The following SIDT1 variants were observed in gnomAD, a reference collection of about 807,000 sequenced individuals.
The protein encoded by SIDT1 is SID1 transmembrane family member 1, also known as SID1 transmembrane family, member 1.
Under a neutral mutation model 107.5 loss-of-function variants are expected in SIDT1, and 101 were observed. The ratio of observed to expected loss-of-function variants is 0.94; its 90% CI spans 0.80 to 1.11. The LOEUF is 1.11. SIDT1 is among the 50% of genes least tolerant of loss of function. SIDT1 has a pLI of 0.00. For missense variants in SIDT1, 1,076 were observed against 1,058.2 expected (o/e 1.02, Z -0.23); for synonymous variants, 395 against 398.2 (o/e 0.99, Z 0.10).
intron 4 of SIDT1, 26 bp downstream of exon 4, chr3:113,576,993 T>A: frequency 6.2e-7 from 1 of 1,608,634 alleles, no homozygotes; most frequent in Non-Finnish European, 8.5e-7. Context: ...CCAAGAGTTA[T>A]CAACATCCTA....
At chr3:113,618,484 T>C (rs1946251614) in intron 20 of SIDT1, among the ~76,000 whole-genome samples, 1 of 152,226 alleles carries the variant, frequency 6.6e-6, no homozygotes, top group South Asian at 2.1e-4. Context: ...TAAGTTTAGT[T>C]TTGTAAGAAA....
At chr3:113,625,318 T>A (rs1310459236) in intron 23 of SIDT1, among the ~76,000 whole-genome samples, 3 of 151,998 alleles carry the variant, frequency 2.0e-5, no homozygotes, top group African/African-American at 7.3e-5. Flanking sequence ...TTTGTATTTT[T>A]AGTAGAGACG....
chr3:113,604,826 TG>T, intron 13 of SIDT1, 83 bp from the exon 14 acceptor site: 4 of 1,489,038 alleles, frequency 2.7e-6, no homozygotes, highest in Non-Finnish European at 2.8e-6. Context: ...ACTTATGGGG[TG>T]GAAGCATTCT....
intron 20 of SIDT1, among the ~76,000 whole-genome samples, chr3:113,616,457 A>G (rs1317954983): frequency 2.0e-5 from 3 of 152,290 alleles, no homozygotes; most frequent in East Asian, 1.9e-4. Flanking sequence ...TTACGGACAC[A>G]TGGTGGGGAA....
At chr3:113,538,236 C>T (rs1159318143) in intron 1 of SIDT1, among the ~76,000 whole-genome samples, 1 of 152,240 alleles carries the variant, frequency 6.6e-6, no homozygotes, top group African/African-American at 2.4e-5. Flanking sequence ...CCGTAGCAAT[C>T]ACCTCCTACA....
chr3:113,614,012 G>A (rs6764048), intron 19 of SIDT1, among the ~76,000 whole-genome samples: 101,534 of 152,056 alleles, frequency 0.67, 34,004 homozygotes, highest in Admixed American at 0.72. Flanking sequence ...AAGGGATACC[G>A]TGGAAACTTG....
intron 3 of SIDT1, among the ~76,000 whole-genome samples, chr3:113,576,648 A>T (rs959613702): frequency 6.6e-6 from 1 of 152,178 alleles, no homozygotes; most frequent in Non-Finnish European, 1.5e-5. Context: ...AAAAGTAAAT[A>T]AACTACCTTA....
intron 21 of SIDT1, among the ~76,000 whole-genome samples, chr3:113,621,469 C>G (rs550213681): frequency 6.6e-6 from 1 of 151,846 alleles, no homozygotes; most frequent in South Asian, 2.1e-4. Flanking sequence ...AGAACGAAGT[C>G]AGTTGGAATT....
chr3:113,635,665 G>T, the SIDT1 span, among the ~76,000 whole-genome samples: 1 of 152,092 alleles, frequency 6.6e-6, no homozygotes, highest in Admixed American at 6.5e-5. Context: ...AGGAGATCAA[G>T]ACCATCCTGG....
intron 9 of SIDT1, among the ~76,000 whole-genome samples, chr3:113,592,054 A>G (rs1168214579): frequency 6.6e-6 from 1 of 152,226 alleles, no homozygotes; most frequent in Non-Finnish European, 1.5e-5. Flanking sequence ...GTTCGCATGT[A>G]ATATAATTCA....
chr3:113,603,113 C>A lies in SIDT1; in HGVS notation c.1226C>A (p.Pro409Gln). 6.2e-7 allele frequency: 1 copy of A among 1,614,064 alleles called. No individual in the cohort carries two copies. The highest frequency in any genetic ancestry group is 1.1e-5 in the South Asian group (1 of 91,060). ...SVEESDFDTM[P>Q]DIESDKNIIR... ...GAGGAGAGCGACTTCGACACCATGC[C>A]AGACATTGAGAGTGATAAAAACATC... is the stretch of plus-strand genomic sequence containing the variant. Residue 409 changes from proline (P) to glutamine (Q), a missense_variant, in exon 12 of 25, where the codon CCA (proline) becomes CAA (glutamine). Physicochemically the swap from Pro to Gln is moderately conservative, Grantham distance 76 (BLOSUM62 -1). Transcript: ENST00000264852.
chr3:113,629,933 ATTCT>A (rs1432218608), downstream of SIDT1, among the ~76,000 whole-genome samples: 2 of 152,214 alleles, frequency 1.3e-5, no homozygotes, highest in Non-Finnish European at 2.9e-5. Context: ...CATGTTGCTA[ATTCT>A]TTCCACAGCG....
chr3:113,597,609 T>G (rs1166042457), intron 10 of SIDT1, among the ~76,000 whole-genome samples: 1 of 151,010 alleles, frequency 6.6e-6, no homozygotes. Context: ...AAGGCAACTA[T>G]AAATATGAAG....
At chr3:113,586,339 C>T (rs1031767167) in intron 9 of SIDT1, among the ~76,000 whole-genome samples, 1 of 152,166 alleles carries the variant, frequency 6.6e-6, no homozygotes, top group African/African-American at 2.4e-5. Flanking sequence ...TGTGGATACA[C>T]ATTCAGCAAT....
At chr3:113,547,358 A>G (rs1455791195) in intron 1 of SIDT1, among the ~76,000 whole-genome samples, 1 of 152,166 alleles carries the variant, frequency 6.6e-6, no homozygotes, top group African/African-American at 2.4e-5. Flanking sequence ...GATCTCATAG[A>G]AGGAAAATTA....
chr3:113,550,988 T>C (rs1194666408), intron 1 of SIDT1, among the ~76,000 whole-genome samples: 2 of 152,126 alleles, frequency 1.3e-5, no homozygotes, highest in African/African-American at 4.8e-5. Flanking sequence ...TCATTTAGAT[T>C]CCACTTATAA....
intron 1 of SIDT1, among the ~76,000 whole-genome samples, chr3:113,551,658 A>G (rs1940249016): frequency 6.6e-6 from 1 of 152,138 alleles, no homozygotes; most frequent in Non-Finnish European, 1.5e-5. Context: ...TTTTCCCCCA[A>G]CGAATTGTCC....
chr3:113,591,384 C>A (rs1944138164), intron 9 of SIDT1, among the ~76,000 whole-genome samples: 2 of 152,034 alleles, frequency 1.3e-5, no homozygotes, highest in Non-Finnish European at 2.9e-5. Flanking sequence ...ACAAATTCAA[C>A]ACAATCCCTT....
At position 113,585,164 on chromosome 3, in the gene SIDT1, T is replaced by C; in HGVS notation, c.908-13T>C. On this transcript the variant is annotated splice_polypyrimidine_tract_variant and intron_variant, in intron 8 of 24. Coordinates refer to ENST00000264852, the MANE Select transcript of SIDT1 (RefSeq NM_017699.3). Reference sequence around the variant, plus strand: ...AGAGGATGACCTGACCAAAGTTGTTTCTCTCCCTTCAGAATCTGTTTATGT... The same window carrying C: ...AGAGGATGACCTGACCAAAGTTGTTCCTCTCCCTTCAGAATCTGTTTATGT... 1 of 1,602,826 alleles carries C rather than the reference T, an allele frequency of 6.2e-7. No individual in the cohort carries two copies. Among genetic ancestry groups the C allele is most frequent in the Non-Finnish European group, 8.5e-7 (1 of 1,169,982 alleles).
Sources: allele counts gnomAD v4.1 joint callset (sites outside exome capture counted in the v4.1 genomes callset), GRCh38; gene constraint gnomAD v4.1.1; transcripts MANE v1.5; gene names NCBI Gene and HGNC (gene_info 2026-07-23, HGNC 2026-07-21).